The following CCDC34 variants were observed in gnomAD, a reference collection of about 807,000 sequenced individuals.
CCDC34 encodes coiled-coil domain-containing protein 34.
A neutral mutation model predicts 44.1 loss-of-function variants in CCDC34; 40 were observed. The ratio of observed to expected loss-of-function variants is 0.91; its 90% CI spans 0.70 to 1.18. CCDC34 has a LOEUF of 1.18. Ranked by LOEUF, CCDC34 falls within the 50% of genes most tolerant of loss-of-function variation. The probability of loss-of-function intolerance (pLI) is 0.00; values close to 1 mark genes in which losing one functional copy is unlikely to be tolerated. For missense variants in CCDC34, 466 were observed against 452.3 expected, an observed-to-expected ratio of 1.03 and a Z score of -0.28; for synonymous variants, 159 against 158.2, an observed-to-expected ratio of 1.01 and a Z score of -0.04.
rs1425518492 is a variant in CCDC34 at position 27,338,757 on chromosome 11, A to G, written c.*64T>C. ...GTGTTGAGTTATTGACTGAGCAGTA[A>G]AAAACAATTTCTGATTTTTAAATTA... On this transcript the variant is annotated 3_prime_UTR_variant, in exon 6 of 6. Coordinates refer to ENST00000328697, the MANE Select transcript of CCDC34 (RefSeq NM_030771.2). 3 of 1,405,910 alleles carry G rather than the reference A, an allele frequency of 2.1e-6. No homozygotes were observed. Among genetic ancestry groups the G allele is most frequent in the East Asian group, 2.3e-5 (1 of 43,772 alleles). 87.1% of individuals were successfully genotyped at this position (1,405,910 alleles called of 1,614,324 possible).
chr11:27,362,308 T>A (rs1458920118), intron 1 of CCDC34, among the ~76,000 whole-genome samples: 1 of 152,226 alleles, frequency 6.6e-6, no homozygotes, highest in African/African-American at 2.4e-5. Flanking sequence ...CATGCTCAGA[T>A]CCTCTCTAAC....
chr11:27,359,164 A>G (rs1277497790), intron 1 of CCDC34, among the ~76,000 whole-genome samples: 1 of 151,420 alleles, frequency 6.6e-6, no homozygotes, highest in Non-Finnish European at 1.5e-5. Context: ...CTATCATGTC[A>G]CTCCTCATCT....
intron 1 of CCDC34, among the ~76,000 whole-genome samples, chr11:27,360,922 T>G (rs1481156397): frequency 2.0e-5 from 3 of 152,214 alleles, no homozygotes; most frequent in African/African-American, 7.2e-5. Flanking sequence ...TATCAAAGAA[T>G]GTTAGGACCA....
At chr11:27,358,958 A>AC (rs71050907) in intron 1 of CCDC34, among the ~76,000 whole-genome samples, 7,274 of 87,904 alleles carry the variant, frequency 0.083, 463 homozygotes, top group East Asian at 0.38. Context: ...CAACATGTGG[A>AC]CCCCCCCCCC....
intron 1 of CCDC34, among the ~76,000 whole-genome samples, chr11:27,362,294 T>G (rs758803343): frequency 3.9e-5 from 6 of 152,238 alleles, no homozygotes; most frequent in Non-Finnish European, 5.9e-5. Context: ...TCCATTCCTC[T>G]GTGCATGCTC....
chr11:27,340,283 T>C (rs1364287911), intron 5 of CCDC34, among the ~76,000 whole-genome samples: 1 of 152,192 alleles, frequency 6.6e-6, no homozygotes, highest in Non-Finnish European at 1.5e-5. Context: ...CTGGTTCATG[T>C]GCTGTCTAGT....
chr11:27,345,409 A>G (rs1490488702), intron 3 of CCDC34, among the ~76,000 whole-genome samples: 2 of 152,094 alleles, frequency 1.3e-5, no homozygotes, highest in African/African-American at 2.4e-5. Flanking sequence ...AGCATTAGGT[A>G]TATATCCTAA....
At chr11:27,344,843 T>C (rs1448613833) in intron 3 of CCDC34, among the ~76,000 whole-genome samples, 2 of 152,106 alleles carry the variant, frequency 1.3e-5, no homozygotes, top group African/African-American at 4.8e-5. Context: ...ATTGATAAGA[T>C]GATTCTAAAC....
intron 3 of CCDC34, chr11:27,349,475 A>T: frequency 1.2e-6 from 1 of 863,404 alleles, no homozygotes; most frequent in Non-Finnish European, 1.4e-6. Flanking sequence ...CATTAGATTC[A>T]ACAATAAAGA....
At chr11:27,347,304 C>T (rs1396947685) in intron 3 of CCDC34, among the ~76,000 whole-genome samples, 2 of 152,120 alleles carry the variant, frequency 1.3e-5, no homozygotes, top group African/African-American at 2.4e-5. Context: ...AAATGTTTGG[C>T]AATTTCTTAT....
At chr11:27,348,280 AT>A (rs1374843243) in intron 3 of CCDC34, among the ~76,000 whole-genome samples, 3 of 152,258 alleles carry the variant, frequency 2.0e-5, no homozygotes, top group Non-Finnish European at 4.4e-5. Flanking sequence ...TAACAGTGTT[AT>A]CCATCATATA....
At position 27,351,378 on chromosome 11, in the gene CCDC34, C is replaced by T. The variant is rs968315629; in HGVS notation, c.499-939G>A. 7.2e-5 allele frequency among the ~76,000 whole-genome samples: 11 copies of T among 152,274 alleles called. No individual in the cohort carries two copies. The East Asian group carries it at 7.7e-4, about 11-fold the overall frequency. ...TGTCTTAAATGAAGATAAAACTTGA[C>T]ACCAAGAACATCTCTTTTGCATTTT... is the stretch of plus-strand genomic sequence containing the variant. On this transcript the variant is annotated intron_variant, in intron 2 of 5. Coordinates refer to ENST00000328697, the MANE Select transcript of CCDC34 (RefSeq NM_030771.2).
At chr11:27,348,792 T>G in intron 3 of CCDC34, 1 of 825,254 alleles carries the variant, frequency 1.2e-6, no homozygotes, top group Non-Finnish European at 1.4e-6. Context: ...AGAAATCTGA[T>G]AGGTCTTAAA....
intron 3 of CCDC34, among the ~76,000 whole-genome samples, chr11:27,348,587 T>C (rs991423030): frequency 5.3e-5 from 8 of 152,104 alleles, no homozygotes; most frequent in Non-Finnish European, 1.2e-4. Context: ...GATTTTTTGA[T>C]AAAACACAGT....
intron 2 of CCDC34, among the ~76,000 whole-genome samples, chr11:27,355,123 T>C (rs145995318): frequency 1.2e-3 from 188 of 152,276 alleles, no homozygotes; most frequent in African/African-American, 4.2e-3. Flanking sequence ...TTTCTTAATA[T>C]AACAAGTAAC....
chr11:27,350,006 A>T (rs1862482868), intron 3 of CCDC34: 2 of 1,190,836 alleles, frequency 1.7e-6, no homozygotes, highest in East Asian at 7.3e-5. Flanking sequence ...TACGAAGGAG[A>T]AATGGGCAAA....
chr11:27,362,009 ATCTG>A lies in CCDC34; in HGVS notation c.359+823_359+826del, dbSNP rs1245624143. 2.6e-5 allele frequency among the ~76,000 whole-genome samples: 4 copies of A among 152,268 alleles called. No individual in the cohort carries two copies. In the East Asian group the frequency reaches 5.8e-4, roughly 22 times the overall value. ...CATGCAGTTTAGGAAAGAGAACATG[ATCTG>A]TCTATCTTCGTAGTAGACCCAGGTC... On this transcript the variant is annotated intron_variant, in intron 1 of 5. Coordinates refer to ENST00000328697, the MANE Select transcript of CCDC34 (RefSeq NM_030771.2).
intron 1 of CCDC34, among the ~76,000 whole-genome samples, chr11:27,361,871 G>GT (rs1304583892): frequency 3.5e-4 from 54 of 152,122 alleles, no homozygotes; most frequent in Non-Finnish European, 6.8e-4. Flanking sequence ...AATGATTTCC[G>GT]AAGAAAACGT....
chr11:27,360,618 C>T (rs1263081757), intron 1 of CCDC34, among the ~76,000 whole-genome samples: 8 of 152,146 alleles, frequency 5.3e-5, no homozygotes, highest in Non-Finnish European at 8.8e-5. Context: ...CCTGTCACCC[C>T]CAAGCTGTCC....
Sources: gnomAD v4.1 joint callset for allele counts (sites outside exome capture counted in the v4.1 genomes callset) on GRCh38, gnomAD v4.1.1 for gene constraint, MANE v1.5 for transcripts, NCBI Gene and HGNC (gene_info 2026-07-23, HGNC 2026-07-21) for gene names.